Variants in IGSF10 observed in about 807,000 individuals in gnomAD.
IGSF10 encodes the protein calvaria mechanical force protein 608.
IGSF10 carries 126 observed loss-of-function variants against 128.2 expected under a neutral mutation model. The observed-to-expected ratio is 0.98, with a 90% CI of 0.85 to 1.14. The LOEUF (loss-of-function observed/expected upper bound fraction) is 1.14, where lower values mean the gene tolerates loss of function less well. Among genes scored for constraint, IGSF10 ranks in the 50% most tolerant of loss-of-function variants. The pLI is 0.00. For synonymous variants in IGSF10, 1,185 were observed against 1,146.2 expected (o/e 1.03, Z -0.68); for missense variants, 3,295 against 3,149.8 (o/e 1.05, Z -1.10).
At chr3:151,510,790 C>T in the IGSF10 span, among the ~76,000 whole-genome samples, 1 of 152,174 alleles carries the variant, frequency 6.6e-6, no homozygotes, top group African/African-American at 2.4e-5. Context: ...GAGCTGAAAA[C>T]CACGGCACAA....
the IGSF10 span, among the ~76,000 whole-genome samples, chr3:151,493,952 G>A: frequency 6.6e-6 from 1 of 151,886 alleles, no homozygotes; most frequent in South Asian, 2.1e-4. Flanking sequence ...GGGGTAATTT[G>A]TTACACAGCA....
At chr3:151,570,574 A>T in the IGSF10 span, among the ~76,000 whole-genome samples, 2 of 151,896 alleles carry the variant, frequency 1.3e-5, no homozygotes, top group Non-Finnish European at 2.9e-5. Flanking sequence ...TCACTTTTTG[A>T]TGGGGTTGTT....
the IGSF10 span, among the ~76,000 whole-genome samples, chr3:151,610,438 G>A: frequency 6.6e-6 from 1 of 152,086 alleles, no homozygotes; most frequent in Non-Finnish European, 1.5e-5. Context: ...CAAATTAATT[G>A]ATACAAAATG....
chr3:151,587,201 C>A, the IGSF10 span, among the ~76,000 whole-genome samples: 2 of 152,144 alleles, frequency 1.3e-5, no homozygotes, highest in African/African-American at 4.8e-5. Flanking sequence ...ATGAGTGAAG[C>A]ATGGTTCCTG....
At chr3:151,492,622 G>A in the IGSF10 span, among the ~76,000 whole-genome samples, 3 of 152,102 alleles carry the variant, frequency 2.0e-5, no homozygotes, top group East Asian at 1.9e-4. Context: ...GGAGGCTGAG[G>A]CAGGAGAATC....
rs1560174070 is a variant in IGSF10 at position 151,443,068 on chromosome 3, A to C, written c.5879T>G (p.Leu1960Arg). Residue 1960 changes from leucine to arginine, a missense_variant, in exon 7 of 8, where the codon CTA becomes CGA. Leu to Arg is a moderately radical substitution (Grantham distance 102). Transcript: ENST00000282466. Reference protein sequence around the residue: ...RTEVNFGDKLLLNCSATGEPK... With the variant: ...RTEVNFGDKLRLNCSATGEPK... ...CTCCCCAGTGGCTGAGCAGTTCAGT[A>C]GTAATTTGTCCCCAAAATTCACTTC... 1 of 1,614,218 alleles carries C rather than the reference A, an allele frequency of 6.2e-7. No homozygotes were observed. Among genetic ancestry groups the C allele is most frequent in the Non-Finnish European group, 8.5e-7 (1 of 1,180,038 alleles).
chr3:151,608,738 C>T, the IGSF10 span, among the ~76,000 whole-genome samples: 2 of 151,978 alleles, frequency 1.3e-5, no homozygotes, highest in African/African-American at 4.8e-5. Flanking sequence ...AGAATATTTC[C>T]CTTCTCTCAT....
rs1294331430 is a variant in IGSF10 at position 151,437,830 on chromosome 3, C to CTGTT, written c.6727_6730dup (p.Arg2244LysfsTer6). The CTGTT allele has an allele frequency of 2.5e-6, 4 of 1,613,864 alleles. No homozygotes were observed. The Admixed American group carries it at 5.0e-5, about 20-fold the overall frequency. ...CACAGCTGTGGCTTTAATAACAGTT[C>CTGTT]TGTTTGTATACAGACCATTGATTAA... On this transcript the variant is annotated frameshift_variant, in exon 8 of 8. Transcript: ENST00000282466. LOFTEE classifies it low-confidence loss of function (END_TRUNC).
the IGSF10 span, among the ~76,000 whole-genome samples, chr3:151,593,028 T>A: frequency 6.6e-6 from 1 of 152,210 alleles, no homozygotes; most frequent in Admixed American, 6.5e-5. Flanking sequence ...CTGCTTTGGT[T>A]CCATTAGTCA....
chr3:151,512,853 A>G, the IGSF10 span, among the ~76,000 whole-genome samples: 2 of 152,230 alleles, frequency 1.3e-5, no homozygotes, highest in Non-Finnish European at 2.9e-5. Flanking sequence ...CAAATAAACT[A>G]CAAAATCTAG....
Position 151,453,543 on chromosome 3 carries a change from AAG to A in IGSF10, c.554_555del (p.Ser185PhefsTer3). 2 of 1,614,060 alleles carry A rather than the reference AAG, an allele frequency of 1.2e-6. No individual in the cohort carries two copies. Among genetic ancestry groups the A allele is most frequent in the Non-Finnish European group, 1.7e-6 (2 of 1,179,936 alleles). The part of the protein sequence containing the change: ...SLSYLQIFKI[S>X]FIKFLYLSDN... ...TCAGACAAGTATAGGAACTTAATGA[AAG>A]AGATTTTAAATATCTGGAGGTAGCT... On this transcript the variant is annotated frameshift_variant, in exon 5 of 8. Coordinates refer to ENST00000282466, the MANE Select transcript of IGSF10 (RefSeq NM_178822.5). LOFTEE classifies it high-confidence loss of function.
the IGSF10 span, among the ~76,000 whole-genome samples, chr3:151,515,804 G>T: frequency 1.3e-5 from 2 of 150,916 alleles, no homozygotes; most frequent in African/African-American, 4.9e-5. Context: ...CCAGTATTTG[G>T]TTTGTCAAGC....
the IGSF10 span, among the ~76,000 whole-genome samples, chr3:151,601,815 G>A: frequency 2.6e-5 from 4 of 152,208 alleles, no homozygotes; most frequent in Admixed American, 2.0e-4. Flanking sequence ...AAAATTCTGT[G>A]CTTATATGAG....
chr3:151,601,863 T>G, the IGSF10 span, among the ~76,000 whole-genome samples: 1 of 152,206 alleles, frequency 6.6e-6, no homozygotes, highest in Non-Finnish European at 1.5e-5. Context: ...AGCTCTGACA[T>G]GTCTCCATGG....
the IGSF10 span, among the ~76,000 whole-genome samples, chr3:151,525,080 AAGTGG>A: frequency 1.1e-3 from 149 of 130,312 alleles, 2 homozygotes; most frequent in African/African-American, 4.1e-3. Flanking sequence ...AGCTGAAGTG[AAGTGG>A]CACAATTATA....
chr3:151,480,286 C>T, the IGSF10 span, among the ~76,000 whole-genome samples: 3 of 152,126 alleles, frequency 2.0e-5, no homozygotes, highest in East Asian at 1.9e-4. Context: ...AAGGAAACAC[C>T]TTTCCCTCAC....
At chr3:151,610,750 C>T in the IGSF10 span, among the ~76,000 whole-genome samples, 1 of 152,124 alleles carries the variant, frequency 6.6e-6, no homozygotes, top group South Asian at 2.1e-4. Context: ...ATGGCACCAG[C>T]ATCTGCTGAG....
At chr3:151,606,116 T>TCTGC in the IGSF10 span, among the ~76,000 whole-genome samples, 1 of 152,214 alleles carries the variant, frequency 6.6e-6, no homozygotes, top group East Asian at 1.9e-4. Context: ...TGCTGTGTTG[T>TCTGC]CACTAAGTTC....
the IGSF10 span, among the ~76,000 whole-genome samples, chr3:151,576,135 C>T: frequency 2.0e-5 from 3 of 151,676 alleles, no homozygotes; most frequent in Non-Finnish European, 2.9e-5. Flanking sequence ...TAATTTACCT[C>T]TTCCAGTTTC....
Sources: gnomAD v4.1 joint callset for allele counts (sites outside exome capture counted in the v4.1 genomes callset) on GRCh38, gnomAD v4.1.1 for gene constraint, MANE v1.5 for transcripts, NCBI Gene and HGNC (gene_info 2026-07-23, HGNC 2026-07-21) for gene names.